The following NLRX1 variants were observed in gnomAD, a reference collection of about 807,000 sequenced individuals.
NLRX1 encodes the protein NLR family member X1.
NLRX1 carries 67 observed loss-of-function variants against 74.2 expected under a neutral mutation model. The observed-to-expected ratio is 0.90, with a 90% confidence interval of 0.74 to 1.11. The LOEUF is 1.11. Among genes scored for constraint, NLRX1 ranks in the 50% least tolerant of loss-of-function variants. The pLI, the probability that NLRX1 is intolerant of heterozygous loss-of-function variation, is 0.00. For missense variants in NLRX1, 1,191 were observed against 1,305.4 expected (o/e 0.91, Z 1.35); for synonymous variants, 506 against 559.1 (o/e 0.91, Z 1.34).
chr11:119,169,532 G>A (rs1474523871), intron 1 of NLRX1, among the ~76,000 whole-genome samples: 4 of 152,226 alleles, frequency 2.6e-5, no homozygotes, highest in Non-Finnish European at 5.9e-5. Flanking sequence ...CCCTGCTAAG[G>A]CAGGTGGCCC....
In NLRX1 at chr11:119,183,050, T is replaced by C. The variant is rs1948880931; in HGVS notation, c.2607-68T>C. The C allele has an allele frequency of 7.1e-7, 1 of 1,416,602 alleles. No homozygotes were observed. Among genetic ancestry groups the C allele is most frequent in the African/African-American group, 1.4e-5 (1 of 70,776 alleles). The allele number at this position is 1,416,602 out of a possible 1,614,324, so 87.8% of individuals were successfully genotyped here. On this transcript the variant is annotated intron_variant, in intron 9 of 9. Coordinates refer to ENST00000409109, the MANE Select transcript of NLRX1 (RefSeq NM_001282144.2). This position sits in a 1 kb window ranked among gnomAD's most constrained non-coding sequence, Gnocchi z 5.7. The stretch of plus-strand genomic sequence containing the variant: ...AGTTGTGAGGCCCCCTGACTTTCCA[T>C]CCATCTACCCTCGGGCCCTCCTTCT...
At position 119,181,209 on chromosome 11, in the gene NLRX1, A is replaced by G; in HGVS notation, c.2306A>G (p.Asp769Gly). 1 of 1,613,712 alleles carries G rather than the reference A, an allele frequency of 6.2e-7. No individual in the cohort carries two copies. The change falls in exon 8 of 10, where the codon GAC becomes GGC. Residue 769 changes from aspartate (D) to glycine (G), a missense_variant. By Grantham distance (94) the Asp-to-Gly change is moderately conservative. Transcript: ENST00000409109. ...AGCCTGGGCCCTGAGGCCTGCAAGG[A>G]CCTCCGAGACCTGTTGCTGCATGAC... ...LNSLGPEACK[D>G]LRDLLLHDQC...
rs778713378 is a variant in NLRX1 at position 119,174,606 on chromosome 11, G to A, written c.1003G>A (p.Val335Ile). 37 of 1,614,038 alleles carry A rather than the reference G, an allele frequency of 2.3e-5. No homozygotes were observed. Among genetic ancestry groups the A allele is most frequent in the East Asian group, 6.7e-5 (3 of 44,906 alleles). The change falls in exon 6 of 10, where the codon GTT becomes ATT. Residue 335 changes from valine to isoleucine, a missense_variant. Coordinates refer to ENST00000409109, the MANE Select transcript of NLRX1 (RefSeq NM_001282144.2). ...RLNQPYCGYAVGGSGVSATPA... is the reference protein window; with the variant it reads ...RLNQPYCGYAIGGSGVSATPA... ...CAACCAGCCGTACTGCGGGTATGCC[G>A]TTGGCGGTTCAGGTGTCTCTGCCAC... is the stretch of plus-strand genomic sequence containing the variant.
Position 119,173,166 on chromosome 11 carries a change from T to C in NLRX1, c.229+177T>C. 1 of 630,256 alleles carries C rather than the reference T, an allele frequency of 1.6e-6. No homozygotes were observed. 39.0% of individuals were successfully genotyped at this position (630,256 alleles called of 1,614,324 possible). A position where few individuals can be genotyped will look rare whatever the true frequency, so the allele number is the denominator to read the frequency against. Reference sequence around the variant, plus strand: ...ATCCCTTCCTGCAATACTCTTGCAATGCACACTTATATGTACAAAGCGCTA... The same window carrying C: ...ATCCCTTCCTGCAATACTCTTGCAACGCACACTTATATGTACAAAGCGCTA... On this transcript the variant is annotated intron_variant, in intron 4 of 9. Coordinates refer to ENST00000409109, the MANE Select transcript of NLRX1 (RefSeq NM_001282144.2). The surrounding 1 kb of genome is among the most constrained non-coding windows in gnomAD (Gnocchi z 4.0).
At chr11:119,169,754 G>C (rs7483350) in intron 1 of NLRX1, among the ~76,000 whole-genome samples, 91,775 of 152,086 alleles carry the variant, frequency 0.6, 29,316 homozygotes, top group East Asian at 0.88. Flanking sequence ...CTTTGGGAGG[G>C]CAAGGCGGGC....
Position 119,179,828 on chromosome 11 carries a change from G to C in NLRX1, c.1807G>C (p.Gly603Arg). 6.2e-7 allele frequency: 1 copy of C among 1,614,192 alleles called. No individual in the cohort carries two copies. Among genetic ancestry groups the C allele is most frequent in the Non-Finnish European group, 8.5e-7 (1 of 1,180,042 alleles). Residue 603 changes from glycine to arginine, a missense_variant, in exon 7 of 10, where the codon GGC becomes CGC. Physicochemically the swap from Gly to Arg is moderately radical, Grantham distance 125 (BLOSUM62 -2). Coordinates refer to ENST00000409109, the MANE Select transcript of NLRX1 (RefSeq NM_001282144.2). ...GGACCAGATGGGCGCCAGTATCCTG[G>C]GCGTGGAGGGCCCCCGGCGCCACCC... ...VLDQMGASILGVEGPRRHPDE... is the reference protein window; with the variant it reads ...VLDQMGASILRVEGPRRHPDE...
Position 119,174,035 on chromosome 11 carries a change from G to A in NLRX1, c.786G>A (p.Pro262=), listed in dbSNP as rs745786469. 5.6e-6 allele frequency: 9 copies of A among 1,614,028 alleles called. No individual in the cohort carries two copies. Among genetic ancestry groups the A allele is most frequent in the East Asian group, 4.5e-5 (2 of 44,892 alleles). The change falls in exon 5 of 10, where the codon CCG becomes CCA. Residue 262 remains proline (P), a synonymous_variant. Transcript: ENST00000409109. The stretch of plus-strand genomic sequence containing the variant: ...CAGGCACGGGACTTTGTAGTGACCC[G>A]GAGGAACCGCAGGAACCAGCTGCTA... The part of the protein sequence containing the change: ...RLAGTGLCSD[P]EEPQEPAAII...
At chr11:119,179,382 C>G (rs542185875) in intron 6 of NLRX1, among the ~76,000 whole-genome samples, 1 of 152,262 alleles carries the variant, frequency 6.6e-6, no homozygotes, top group African/African-American at 2.4e-5. Context: ...TGCCTATAAT[C>G]CTAGCACTTT....
rs752125924 is a variant in NLRX1 at position 119,172,925 on chromosome 11, C to T, written c.165C>T (p.Ser55=). ...PPRAFIRHHG[S]SVDSAPPPGR... The stretch of plus-strand genomic sequence containing the variant: ...GGGCCTTTATACGCCACCACGGAAG[C>T]TCGGTAGATAGCGCTCCCCCACCCG... The change falls in exon 4 of 10, where the codon AGC becomes AGT. Residue 55 remains serine, a synonymous_variant. Transcript: ENST00000409109. 5 of 1,613,998 alleles carry T rather than the reference C, an allele frequency of 3.1e-6. No individual in the cohort carries two copies. The East Asian group carries it at 6.7e-5, about 22-fold the overall frequency.
rs2135195121 is a variant in NLRX1, at chr11:119,182,178, C to A, written c.2439C>A (p.Ser813=). 6.2e-7 allele frequency: 1 copy of A among 1,614,146 alleles called. No individual in the cohort carries two copies. Among genetic ancestry groups the A allele is most frequent in the African/African-American group, 1.3e-5 (1 of 75,056 alleles). Reference sequence around the variant, plus strand: ...GAAACACCTCAGTGACGCACCTGTCCCTGCTGCACACGGGCCTTGGGGACG... The same window carrying A: ...GAAACACCTCAGTGACGCACCTGTCACTGCTGCACACGGGCCTTGGGGACG... ...LAGNTSVTHL[S]LLHTGLGDEG... The change falls in exon 9 of 10, where the codon TCC becomes TCA. Residue 813 remains serine (S), a synonymous_variant. Coordinates refer to ENST00000409109, the MANE Select transcript of NLRX1 (RefSeq NM_001282144.2).
At position 119,174,043 on chromosome 11, in the gene NLRX1, C is replaced by A. The variant is rs199476042; in HGVS notation, c.794C>A (p.Pro265Gln). The A allele has an allele frequency of 1.2e-6, 2 of 1,614,166 alleles. No individual in the cohort carries two copies. Among genetic ancestry groups the A allele is most frequent in the Admixed American group, 3.3e-5 (2 of 60,016 alleles). The change falls in exon 5 of 10, where the codon CCG (proline) becomes CAG (glutamine). Residue 265 changes from proline (P) to glutamine (Q), a missense_variant. By Grantham distance (76) the Pro-to-Gln change is moderately conservative (BLOSUM62 -1). Transcript: ENST00000409109. ...GTGLCSDPEE[P>Q]QEPAAIIVNL... is the part of the protein sequence containing the mutation. ...GGACTTTGTAGTGACCCGGAGGAAC[C>A]GCAGGAACCAGCTGCTATCATCGTC...
chr11:119,179,634 C>A (rs2135185158), intron 6 of NLRX1, 59 bp from the exon 7 acceptor site: 1 of 1,234,874 alleles, frequency 8.1e-7, no homozygotes, highest in Admixed American at 2.2e-5. Flanking sequence ...TAAGCTGAAC[C>A]TTGAAGGCTG....
At position 119,179,706 on chromosome 11, in the gene NLRX1, TGTTTG is replaced by T. The variant is rs1243724768; in HGVS notation, c.1687_1691del (p.Phe563AlafsTer5). The T allele has an allele frequency of 3.1e-6, 5 of 1,601,090 alleles. No homozygotes were observed. The South Asian group carries it at 5.5e-5, about 18-fold the overall frequency. On this transcript the variant is annotated frameshift_variant, in exon 7 of 10. Transcript: ENST00000409109. LOFTEE classifies it high-confidence loss of function. Reference sequence around the variant, plus strand: ...CTTCTTTTTCAGGTGGTTCCACGAGTGTTTGGGCGCATGGTGGGTAAAAGCCGGGA... The same window carrying T: ...CTTCTTTTTCAGGTGGTTCCACGAGTGGCGCATGGTGGGTAAAAGCCGGGA...
intron 1 of NLRX1, among the ~76,000 whole-genome samples, chr11:119,170,034 ATTGG>A (rs1948504345): frequency 7.9e-6 from 1 of 126,420 alleles, no homozygotes; most frequent in Admixed American, 7.6e-5. Context: ...AAAAAAAAAA[ATTGG>A]TTGGGACTCT....
At chr11:119,177,534 A>G (rs1294176752) in intron 6 of NLRX1, among the ~76,000 whole-genome samples, 2 of 151,392 alleles carry the variant, frequency 1.3e-5, no homozygotes, top group African/African-American at 2.4e-5. Context: ...AGGCTGAGGC[A>G]GGAGAATCTC....
At chr11:119,174,425 T>C in intron 5 of NLRX1, 28 bp from the exon 6 acceptor site, 1 of 1,599,136 alleles carries the variant, frequency 6.3e-7, no homozygotes, top group Admixed American at 1.7e-5. Flanking sequence ...CTAAGGTCTT[T>C]CTTAACTCTC....
chr11:119,180,406 A>G (rs1210232547), intron 7 of NLRX1, 118 bp downstream of exon 7: 3 of 851,668 alleles, frequency 3.5e-6, no homozygotes, highest in Non-Finnish European at 3.5e-6. Flanking sequence ...AGGTGGGATG[A>G]AGAAGTCTAG....
chr11:119,183,659 A>T lies in NLRX1; in HGVS notation c.*220A>T. 1 of 724,536 alleles carries T rather than the reference A, an allele frequency of 1.4e-6. No individual in the cohort carries two copies. Among genetic ancestry groups the T allele is most frequent in the East Asian group, 2.6e-5 (1 of 38,252 alleles). The allele number at this position is 724,536 out of a possible 1,614,324, so 44.9% of individuals were successfully genotyped here. On this transcript the variant is annotated 3_prime_UTR_variant, in exon 10 of 10. Coordinates refer to ENST00000409109, the MANE Select transcript of NLRX1 (RefSeq NM_001282144.2). This position sits in a 1 kb window ranked among gnomAD's most constrained non-coding sequence, Gnocchi z 5.7. ...GTGAATCAATGCTTCGGGCTTGGAG[A>T]TGGAACATGCCTCCTCTCCATTCAG... is the stretch of plus-strand genomic sequence containing the variant.
intron 6 of NLRX1, among the ~76,000 whole-genome samples, chr11:119,176,248 T>G (rs1160016856): frequency 6.6e-6 from 1 of 152,120 alleles, no homozygotes; most frequent in Non-Finnish European, 1.5e-5. Context: ...TTAAATGTAT[T>G]TTTATTTTTA....
Sources: gnomAD v4.1 joint callset for allele counts (sites outside exome capture counted in the v4.1 genomes callset) on GRCh38, gnomAD v4.1.1 for gene constraint, Gnocchi (gnomAD v3.1) non-coding constraint, MANE v1.5 for transcripts, NCBI Gene and HGNC (gene_info 2026-07-23, HGNC 2026-07-21) for gene names.